The following OSTF1 variants were observed in gnomAD, a reference collection of about 807,000 sequenced individuals.
OSTF1 encodes osteoclast-stimulating factor 1.
A neutral mutation model predicts 37.2 loss-of-function variants in OSTF1; 27 were observed. The ratio of observed to expected loss-of-function variants is 0.73; its 90% confidence interval spans 0.54 to 1.00. OSTF1 has a LOEUF of 1.00. Among genes scored for constraint, OSTF1 ranks in the 50% least tolerant of loss-of-function variants. The pLI is 0.00. For synonymous variants in OSTF1, 82 were observed against 89.2 expected (o/e 0.92, Z 0.46); for missense variants, 232 against 253.8 (o/e 0.91, Z 0.58).
intron 1 of OSTF1, among the ~76,000 whole-genome samples, chr9:75,093,827 T>C (rs1825025286): frequency 1.3e-5 from 2 of 152,226 alleles, no homozygotes; most frequent in Non-Finnish European, 1.5e-5. Context: ...TTTTTATACC[T>C]GTTGGCAGAA....
intron 1 of OSTF1, among the ~76,000 whole-genome samples, chr9:75,099,024 C>T (rs1341020346): frequency 1.3e-5 from 2 of 152,114 alleles, no homozygotes; most frequent in Non-Finnish European, 2.9e-5. Context: ...GCAACCTCCG[C>T]CTCCTGGGGT....
chr9:75,098,789 A>T (rs1825135411), intron 1 of OSTF1, among the ~76,000 whole-genome samples: 2 of 152,200 alleles, frequency 1.3e-5, no homozygotes, highest in Non-Finnish European at 2.9e-5. Context: ...CTTTACAGAA[A>T]TCATTGTATT....
intron 5 of OSTF1, among the ~76,000 whole-genome samples, chr9:75,133,080 C>T (rs1421052325): frequency 2.0e-5 from 3 of 151,828 alleles, no homozygotes; most frequent in Non-Finnish European, 4.4e-5. Context: ...TTCCCATTAA[C>T]TTATCATTAG....
intron 1 of OSTF1, among the ~76,000 whole-genome samples, chr9:75,117,084 G>A (rs1007958508): frequency 1.3e-5 from 2 of 151,994 alleles, no homozygotes; most frequent in African/African-American, 4.8e-5. Context: ...TTTTATGATT[G>A]ACAGATAATT....
intron 2 of OSTF1, 41 bp from the exon 3 acceptor site, chr9:75,127,528 A>C: frequency 8.5e-7 from 1 of 1,172,094 alleles, no homozygotes; most frequent in Non-Finnish European, 1.2e-6. Flanking sequence ...ATTCTAATTC[A>C]TGAAAAATCA....
chr9:75,146,549 A>G, intron 9 of OSTF1, 134 bp from the exon 10 acceptor site: 1 of 669,146 alleles, frequency 1.5e-6, no homozygotes, highest in Non-Finnish European at 2.6e-6. Flanking sequence ...GCAGAGAAAG[A>G]TCCTCAGGGA....
chr9:75,121,871 C>G (rs2118536117), intron 2 of OSTF1, among the ~76,000 whole-genome samples: 1 of 152,282 alleles, frequency 6.6e-6, no homozygotes, highest in African/African-American at 2.4e-5. Flanking sequence ...CTGGCATGTG[C>G]AGCTCCCCAG....
intron 1 of OSTF1, among the ~76,000 whole-genome samples, chr9:75,107,238 T>G (rs370550804): frequency 1.3e-5 from 2 of 152,188 alleles, no homozygotes; most frequent in Non-Finnish European, 2.9e-5. Flanking sequence ...GAAAACATCC[T>G]GTTTCATCAT....
chr9:75,088,907 T>C (rs1311203469), intron 1 of OSTF1, among the ~76,000 whole-genome samples, 181 bp downstream of exon 1: 2 of 152,012 alleles, frequency 1.3e-5, no homozygotes, highest in African/African-American at 4.8e-5. Flanking sequence ...GGGATCGATT[T>C]TGATAGCAAG....
At chr9:75,099,044 C>T (rs1046260826) in intron 1 of OSTF1, among the ~76,000 whole-genome samples, 13 of 152,166 alleles carry the variant, frequency 8.5e-5, no homozygotes, top group Non-Finnish European at 1.5e-4. Flanking sequence ...TCAAGTGATT[C>T]TCCTGCCTCA....
intron 2 of OSTF1, among the ~76,000 whole-genome samples, chr9:75,127,338 G>A (rs1825677081): frequency 6.6e-6 from 1 of 152,196 alleles, no homozygotes. Context: ...AATGCAAGAT[G>A]TGTGTGGAGA....
intron 2 of OSTF1, among the ~76,000 whole-genome samples, chr9:75,118,292 A>G (rs1409300146): frequency 2.0e-5 from 3 of 152,238 alleles, no homozygotes; most frequent in African/African-American, 7.2e-5. Context: ...TGAGGGAGCA[A>G]CAAGTGCAAG....
chr9:75,107,674 A>G (rs868862916), intron 1 of OSTF1, among the ~76,000 whole-genome samples: 22 of 152,296 alleles, frequency 1.4e-4, no homozygotes, highest in Middle Eastern at 3.4e-3. Context: ...TAAGATATGT[A>G]TTTTTCTTGA....
In OSTF1 at chr9:75,118,972, C is replaced by T. The variant is rs1825536634; in HGVS notation, c.81+1422C>T. Among the ~76,000 whole-genome samples, 8 of 152,166 alleles carry T rather than the reference C, an allele frequency of 5.3e-5. No individual in the cohort carries two copies. In the South Asian group the frequency reaches 1.7e-3, roughly 32 times the overall value. On this transcript the variant is annotated intron_variant, in intron 2 of 9. Transcript: ENST00000346234. ...CTCTCATATATGCTAGGGACCAGAG[C>T]TTTCTCTCTGTGGGCAGTCAGCTTG...
chr9:75,090,997 T>C (rs1422767119), intron 1 of OSTF1, among the ~76,000 whole-genome samples: 1 of 152,158 alleles, frequency 6.6e-6, no homozygotes, highest in African/African-American at 2.4e-5. Flanking sequence ...AGAAATGTTA[T>C]TTAACTTGTC....
At chr9:75,094,638 G>A (rs1296550813) in intron 1 of OSTF1, among the ~76,000 whole-genome samples, 1 of 151,190 alleles carries the variant, frequency 6.6e-6, no homozygotes, top group Non-Finnish European at 1.5e-5. Flanking sequence ...GTCCTCACTT[G>A]CTTAATGGAC....
Position 75,088,619 on chromosome 9 carries a change from C to T in OSTF1, c.-74C>T. 5 of 1,492,610 alleles carry T rather than the reference C, an allele frequency of 3.3e-6. No homozygotes were observed. Among genetic ancestry groups the T allele is most frequent in the Non-Finnish European group, 4.6e-6 (5 of 1,087,310 alleles). The allele number at this position is 1,492,610 out of a possible 1,614,324, so 92.5% of individuals were successfully genotyped here. A position where few individuals can be genotyped will look rare whatever the true frequency, so the allele number is the denominator to read the frequency against. ...AGCCAGACAAAAAGAACTGGGGTGC[C>T]CGGAGTGCCAGGTGGCGGGCAAGCG... On this transcript the variant is annotated 5_prime_UTR_variant, in exon 1 of 10. Transcript: ENST00000346234.
intron 1 of OSTF1, among the ~76,000 whole-genome samples, chr9:75,106,327 G>A (rs1004515070): frequency 6.6e-6 from 1 of 152,154 alleles, no homozygotes; most frequent in African/African-American, 2.4e-5. Flanking sequence ...AAGGATTATA[G>A]CCTCTCTTTT....
chr9:75,109,215 G>T (rs1825342689), intron 1 of OSTF1, among the ~76,000 whole-genome samples: 1 of 151,950 alleles, frequency 6.6e-6, no homozygotes, highest in Non-Finnish European at 1.5e-5. Context: ...GTTTCACCGT[G>T]TCGGCCAGCT....
Sources: gnomAD v4.1 joint callset for allele counts (sites outside exome capture counted in the v4.1 genomes callset) on GRCh38, gnomAD v4.1.1 for gene constraint, MANE v1.5 for transcripts, NCBI Gene and HGNC (gene_info 2026-07-23, HGNC 2026-07-21) for gene names.